Variants in NOL4 observed in about 807,000 individuals in gnomAD.
NOL4 encodes nucleolar protein 4.
A neutral mutation model predicts 75.9 loss-of-function variants in NOL4; 17 were observed. The ratio of observed to expected loss-of-function variants is 0.22; its 90% CI spans 0.15 to 0.34. The LOEUF (loss-of-function observed/expected upper bound fraction) is 0.34, where lower values mean the gene tolerates loss of function less well. Among genes scored for constraint, NOL4 ranks in the 10% least tolerant of loss-of-function variants. NOL4 has a pLI of 1.00. For missense variants in NOL4, 614 were observed against 793.5 expected (o/e 0.77, Z 2.72); for synonymous variants, 292 against 289.9 (o/e 1.01, Z -0.07).
intron 1 of NOL4, among the ~76,000 whole-genome samples, chr18:34,217,021 T>C (rs137989565): frequency 6.1e-4 from 93 of 152,266 alleles, no homozygotes; most frequent in African/African-American, 2.2e-3. Context: ...TTTTATCGAC[T>C]CTTCTTTTGG....
chr18:33,939,365 G>C (rs2068302334), intron 9 of NOL4, among the ~76,000 whole-genome samples: 2 of 152,024 alleles, frequency 1.3e-5, no homozygotes, highest in South Asian at 4.1e-4. Context: ...AATTACTTTG[G>C]GCAGTATGGC....
chr18:33,877,683 T>G (rs1407149930), intron 10 of NOL4, among the ~76,000 whole-genome samples: 1 of 152,060 alleles, frequency 6.6e-6, no homozygotes, highest in Non-Finnish European at 1.5e-5. Flanking sequence ...TACTACAGCA[T>G]GTATATCCAA....
intron 6 of NOL4, among the ~76,000 whole-genome samples, chr18:33,994,352 A>G (rs2073129194): frequency 6.6e-6 from 1 of 151,932 alleles, no homozygotes; most frequent in African/African-American, 2.4e-5. Context: ...ACAGCAATAT[A>G]TATGTATTCT....
chr18:33,855,655 T>C (rs577615143), intron 10 of NOL4, among the ~76,000 whole-genome samples: 5 of 152,156 alleles, frequency 3.3e-5, no homozygotes, highest in African/African-American at 1.2e-4. Context: ...ATTCTGAAAA[T>C]ATAAGAGACA....
intron 5 of NOL4, among the ~76,000 whole-genome samples, chr18:34,067,710 G>A (rs1000723142): frequency 5.9e-5 from 9 of 152,174 alleles, no homozygotes; most frequent in Non-Finnish European, 4.4e-5. Flanking sequence ...CTGGGAGGAT[G>A]GAGTTGCCTT....
At chr18:33,891,507 TG>T (rs2065093027) in intron 9 of NOL4, among the ~76,000 whole-genome samples, 1 of 152,152 alleles carries the variant, frequency 6.6e-6, no homozygotes, top group Non-Finnish European at 1.5e-5. Flanking sequence ...TTGGGGTCCT[TG>T]GGAAAAGGTA....
At chr18:33,965,633 T>C (rs1377788572) in intron 6 of NOL4, among the ~76,000 whole-genome samples, 1 of 152,188 alleles carries the variant, frequency 6.6e-6, no homozygotes, top group African/African-American at 2.4e-5. Context: ...TAGTGAGTTT[T>C]CATGAAATCT....
intron 1 of NOL4, chr18:34,221,014 C>T (rs559184120): frequency 6.6e-6 from 1 of 152,074 alleles, no homozygotes; most frequent in South Asian, 2.1e-4. Flanking sequence ...TTATGATGAT[C>T]TTAGTATCTC....
intron 5 of NOL4, among the ~76,000 whole-genome samples, chr18:34,077,714 ATAAT>A (rs1331161058): frequency 6.6e-6 from 1 of 152,190 alleles, no homozygotes; most frequent in East Asian, 1.9e-4. Flanking sequence ...TTCATATGAA[ATAAT>A]TAATTTAAAA....
intron 6 of NOL4, among the ~76,000 whole-genome samples, chr18:33,968,507 G>A (rs2070786195): frequency 6.6e-6 from 1 of 151,992 alleles, no homozygotes; most frequent in Admixed American, 6.6e-5. Context: ...TTATCCTAAG[G>A]GAATTAACAC....
At chr18:34,116,728 ATT>A (rs60046944) in intron 2 of NOL4, among the ~76,000 whole-genome samples, 1 of 152,090 alleles carries the variant, frequency 6.6e-6, no homozygotes, top group African/African-American at 2.4e-5. Context: ...GTTTTGCTCT[ATT>A]TTTTCAGACT....
At chr18:33,901,435 T>C (rs933457337) in intron 9 of NOL4, among the ~76,000 whole-genome samples, 1 of 152,098 alleles carries the variant, frequency 6.6e-6, no homozygotes, top group Non-Finnish European at 1.5e-5. Flanking sequence ...TGAGTTAAGA[T>C]GTAATTTAGG....
At chr18:34,038,668 T>C (rs555971387) in intron 5 of NOL4, among the ~76,000 whole-genome samples, 1 of 152,132 alleles carries the variant, frequency 6.6e-6, no homozygotes, top group East Asian at 1.9e-4. Flanking sequence ...CTCACTCATA[T>C]GTAGGAGCTA....
chr18:34,058,247 C>T (rs1568285518), intron 5 of NOL4, among the ~76,000 whole-genome samples: 1 of 152,156 alleles, frequency 6.6e-6, no homozygotes, highest in Non-Finnish European at 1.5e-5. Context: ...CATTCTCCTG[C>T]CTCAGCCTCC....
chr18:33,887,213 A>G (rs1041537542), intron 9 of NOL4, among the ~76,000 whole-genome samples: 7 of 149,106 alleles, frequency 4.7e-5, no homozygotes, highest in African/African-American at 1.7e-4. Flanking sequence ...AATAAAAAAG[A>G]TTTAAAAAAT....
At chr18:34,134,483 C>T (rs9948135) in intron 1 of NOL4, among the ~76,000 whole-genome samples, 49,084 of 147,470 alleles carry the variant, frequency 0.33, 9,272 homozygotes, top group African/African-American at 0.48. Flanking sequence ...CACACACACA[C>T]ACACACACAC....
chr18:34,110,077 A>G (rs1043028283), intron 2 of NOL4, among the ~76,000 whole-genome samples: 1 of 140,348 alleles, frequency 7.1e-6, no homozygotes, highest in South Asian at 2.4e-4. Flanking sequence ...AAACATTCCA[A>G]GAAGAATTAA....
At chr18:33,919,392 T>C (rs1179397871) in intron 9 of NOL4, among the ~76,000 whole-genome samples, 1 of 152,194 alleles carries the variant, frequency 6.6e-6, no homozygotes, top group Admixed American at 6.5e-5. Flanking sequence ...GTTTACCCCC[T>C]GAGCCTTGAA....
chr18:33,996,719 T>G (rs1294907508), intron 6 of NOL4, among the ~76,000 whole-genome samples: 1 of 151,892 alleles, frequency 6.6e-6, no homozygotes, highest in Non-Finnish European at 1.5e-5. Flanking sequence ...TGCAGTTATC[T>G]TGCTAGAAAG....
Sources: allele counts gnomAD v4.1 joint callset (sites outside exome capture counted in the v4.1 genomes callset), GRCh38; gene constraint gnomAD v4.1.1; transcripts MANE v1.5; gene names NCBI Gene and HGNC (gene_info 2026-07-23, HGNC 2026-07-21).